Variants in BTG3 observed in about 807,000 individuals in gnomAD.
BTG3 encodes protein BTG3.
In BTG3, 4 loss-of-function variants were observed where a neutral mutation model predicts 25.8. The ratio of observed to expected loss-of-function variants is 0.16; its 90% CI spans 0.08 to 0.36. The LOEUF (loss-of-function observed/expected upper bound fraction) is 0.36. Among genes scored for constraint, BTG3 ranks in the 10% least tolerant of loss-of-function variants. BTG3 has a pLI of 1.00. For synonymous variants in BTG3, 107 were observed against 99.9 expected, an observed-to-expected ratio of 1.07 and a Z score of -0.42; for missense variants, 201 against 304.9, an observed-to-expected ratio of 0.66 and a Z score of 2.54.
intron 2 of BTG3, among the ~76,000 whole-genome samples, chr21:17,606,358 GTACC>G (rs2061642232): frequency 6.6e-6 from 1 of 152,038 alleles, no homozygotes; most frequent in African/African-American, 2.4e-5. Flanking sequence ...CTGTATATAC[GTACC>G]TATCTTAGCG....
At position 17,598,660 on chromosome 21, in the gene BTG3, A is replaced by C. The variant is rs112797523; in HGVS notation, c.476T>G (p.Val159Gly). 1 of 1,614,102 alleles carries C rather than the reference A, an allele frequency of 6.2e-7. No individual in the cohort carries two copies. The highest frequency in any genetic ancestry group is 1.1e-5 in the South Asian group (1 of 91,064). ...GGCTGCAGTCACCGAACTGGGTTTC[A>C]CTTCCATTTCCTTACTTGTTTCTTC... Reference protein sequence around the residue: ...SDEETSKEMEVKPSSVTAAAS... With the variant: ...SDEETSKEMEGKPSSVTAAAS... The change falls in exon 4 of 5, where the codon GTG becomes GGG. Residue 159 changes from valine (V) to glycine (G), a missense_variant. Val to Gly is a moderately radical substitution (Grantham distance 109). Transcript: ENST00000348354.
At chr21:17,595,156 G>C (rs2061488754) in intron 4 of BTG3, among the ~76,000 whole-genome samples, 2 of 152,002 alleles carry the variant, frequency 1.3e-5, no homozygotes, top group South Asian at 4.1e-4. Flanking sequence ...AATAGTTTTA[G>C]ATTATCCCAT....
At chr21:17,607,217 G>T (rs893724182) in intron 2 of BTG3, among the ~76,000 whole-genome samples, 3 of 152,030 alleles carry the variant, frequency 2.0e-5, no homozygotes, top group Non-Finnish European at 4.4e-5. Context: ...AAATGAAATT[G>T]TACACTGTCT....
At chr21:17,606,384 A>G (rs1325071235) in intron 2 of BTG3, among the ~76,000 whole-genome samples, 1 of 152,172 alleles carries the variant, frequency 6.6e-6, no homozygotes, top group African/African-American at 2.4e-5. Context: ...CACCATTAAC[A>G]ATATAACAAA....
At position 17,604,968 on chromosome 21, in the gene BTG3, ACT is replaced by A. The variant is rs1488201173; in HGVS notation, c.201_202del (p.Arg67SerfsTer2). On this transcript the variant is annotated frameshift_variant, in exon 3 of 5. Coordinates refer to ENST00000348354, the MANE Select transcript of BTG3 (RefSeq NM_006806.5). LOFTEE classifies it high-confidence loss of function. ...ACAGGCTTTCAGGACATCAGGATCA[ACT>A]CTCTGAAATTTATTGACACGAATAC... 1 of 1,614,120 alleles carries A rather than the reference ACT, an allele frequency of 6.2e-7. No individual in the cohort carries two copies. The highest frequency in any genetic ancestry group is 1.1e-5 in the South Asian group (1 of 91,072).
intron 1 of BTG3, among the ~76,000 whole-genome samples, chr21:17,610,298 C>G (rs1445044615): frequency 6.6e-6 from 1 of 152,190 alleles, no homozygotes; most frequent in African/African-American, 2.4e-5. Context: ...TTGAACTGTA[C>G]ATTTTAAATG....
At chr21:17,594,579 C>T (rs1054168248) in intron 4 of BTG3, among the ~76,000 whole-genome samples, 2 of 152,000 alleles carry the variant, frequency 1.3e-5, no homozygotes, top group African/African-American at 2.4e-5. Flanking sequence ...TCCTAAACAA[C>T]TTCAACCAAA....
chr21:17,594,075 A>G lies in BTG3; in HGVS notation c.*18T>C, dbSNP rs762968907. On this transcript the variant is annotated 3_prime_UTR_variant, in exon 5 of 5. Coordinates refer to ENST00000348354, the MANE Select transcript of BTG3 (RefSeq NM_006806.5). Reference sequence around the variant, plus strand: ...CTACCTTTTTCTCAACATGACACCAACACAATCAAAAACGAAGTTAGTGAG... The same window carrying G: ...CTACCTTTTTCTCAACATGACACCAGCACAATCAAAAACGAAGTTAGTGAG... 2.5e-6 allele frequency: 4 copies of G among 1,610,152 alleles called. No individual in the cohort carries two copies. The African/African-American group carries it at 5.3e-5, about 22-fold the overall frequency.
chr21:17,603,039 G>A (rs1248097397), intron 3 of BTG3, among the ~76,000 whole-genome samples: 1 of 152,088 alleles, frequency 6.6e-6, no homozygotes, highest in Non-Finnish European at 1.5e-5. Flanking sequence ...GGTAGCGTCT[G>A]ACTCATCAAC....
chr21:17,598,903 T>C, intron 3 of BTG3, 79 bp from the exon 4 acceptor site: 1 of 1,105,108 alleles, frequency 9.0e-7, no homozygotes, highest in Non-Finnish European at 1.3e-6. Flanking sequence ...CAAAGAGATC[T>C]GGACATGCCA....
chr21:17,611,538 T>C (rs369928129), intron 1 of BTG3: 1 of 152,152 alleles, frequency 6.6e-6, no homozygotes, highest in African/African-American at 2.4e-5. Context: ...CTCCCACCAG[T>C]ATTCTAGGAG....
intron 3 of BTG3, 193 bp from the exon 4 acceptor site, chr21:17,599,017 G>A (rs1347604666): frequency 1.0e-5 from 5 of 497,626 alleles, no homozygotes; most frequent in South Asian, 3.6e-5. Flanking sequence ...TCTACTTCTG[G>A]TCTATTTAAG....
intron 2 of BTG3, 87 bp downstream of exon 2, chr21:17,608,885 G>T: frequency 1.6e-6 from 2 of 1,281,870 alleles, no homozygotes; most frequent in Non-Finnish European, 2.1e-6. Flanking sequence ...ACACCTGTAG[G>T]CATGGTCTGC....
intron 1 of BTG3, 150 bp from the exon 2 acceptor site, chr21:17,609,302 A>G (rs776852903): frequency 1.4e-6 from 1 of 721,058 alleles, no homozygotes; most frequent in Non-Finnish European, 2.2e-6. Flanking sequence ...GTAGAGAACA[A>G]TCTACTTATC....
intron 3 of BTG3, among the ~76,000 whole-genome samples, chr21:17,599,464 G>A (rs951576171): frequency 3.5e-5 from 5 of 141,038 alleles, no homozygotes; most frequent in Non-Finnish European, 6.0e-5. Flanking sequence ...ACAGGCATGC[G>A]CCACTGGCTG....
intron 2 of BTG3, 167 bp downstream of exon 2, chr21:17,608,805 A>G (rs2061681001): frequency 1.6e-6 from 1 of 643,266 alleles, no homozygotes; most frequent in Non-Finnish European, 2.4e-6. Context: ...CTCCGCCAAC[A>G]AATACTTGTT....
intron 3 of BTG3, among the ~76,000 whole-genome samples, chr21:17,603,441 A>G (rs182246904): frequency 7.2e-5 from 11 of 152,208 alleles, no homozygotes; most frequent in Non-Finnish European, 5.9e-5. Context: ...CTGGCAAATC[A>G]GGTAGTAACC....
chr21:17,605,446 T>A (rs2061626852), intron 2 of BTG3, among the ~76,000 whole-genome samples: 1 of 152,344 alleles, frequency 6.6e-6, no homozygotes, highest in Middle Eastern at 3.4e-3. Flanking sequence ...TGCTTTTATA[T>A]CTCAGATAGT....
chr21:17,602,708 A>T (rs1412490122), intron 3 of BTG3, among the ~76,000 whole-genome samples: 1 of 152,212 alleles, frequency 6.6e-6, no homozygotes, highest in Non-Finnish European at 1.5e-5. Flanking sequence ...GTTTTCTAAG[A>T]TTAATAAGAT....
Sources: allele counts gnomAD v4.1 joint callset (sites outside exome capture counted in the v4.1 genomes callset), GRCh38; gene constraint gnomAD v4.1.1; transcripts MANE v1.5; gene names NCBI Gene and HGNC (gene_info 2026-07-23, HGNC 2026-07-21).